USH2A: variants seen among roughly 807,000 people sequenced by gnomAD.
USH2A encodes the protein usherin.
USH2A carries 443 observed loss-of-function variants against 538.9 expected under a neutral mutation model. The ratio of observed to expected loss-of-function variants is 0.82; its 90% confidence interval spans 0.76 to 0.89. The LOEUF (loss-of-function observed/expected upper bound fraction) is 0.89. Among genes scored for constraint, USH2A ranks in the 40% least tolerant of loss-of-function variants. The pLI, the probability that USH2A is intolerant of heterozygous loss-of-function variation, is 0.00. For missense variants in USH2A, 6,633 were observed against 6,324.8 expected (o/e 1.05, Z -1.65); for synonymous variants, 2,413 against 2,273.5 (o/e 1.06, Z -1.75).
At chr1:216,146,590 G>C (rs909279279) in intron 21 of USH2A, among the ~76,000 whole-genome samples, 3 of 152,076 alleles carry the variant, frequency 2.0e-5, no homozygotes, top group African/African-American at 4.8e-5. Context: ...TTTCCTAGGG[G>C]GCAAGAAACC....
intron 61 of USH2A, among the ~76,000 whole-genome samples, chr1:215,702,824 G>A (rs1334950087): frequency 2.6e-5 from 4 of 151,678 alleles, no homozygotes; most frequent in African/African-American, 7.3e-5. Flanking sequence ...TCAGTTTGTC[G>A]AAGTCATTCT....
At chr1:215,859,456 C>T (rs1398586294) in intron 44 of USH2A, among the ~76,000 whole-genome samples, 2 of 151,952 alleles carry the variant, frequency 1.3e-5, no homozygotes, top group African/African-American at 4.8e-5. Flanking sequence ...ATTGCTTGAA[C>T]ACAGGAGGTG....
chr1:216,253,305 A>G (rs2036200195), intron 11 of USH2A, among the ~76,000 whole-genome samples: 1 of 151,934 alleles, frequency 6.6e-6, no homozygotes, highest in Admixed American at 6.6e-5. Context: ...CAGCCTCCCC[A>G]GTAGCTGGGC....
At position 215,625,478 on chromosome 1, in the gene USH2A, G is replaced by A. The variant is rs1655984592; in HGVS notation, c.*303C>T. ...TCTTGAAATTGCCACTGATTATTCA[G>A]TTAACCAGGAGCATCACTGCCAAAC... On this transcript the variant is annotated 3_prime_UTR_variant, in exon 72 of 72. Transcript: ENST00000307340. 4 of 411,142 alleles carry A rather than the reference G, an allele frequency of 9.7e-6. No individual in the cohort carries two copies. Among genetic ancestry groups the A allele is most frequent in the Non-Finnish European group, 1.8e-5 (4 of 221,564 alleles). The allele number at this position is 411,142 out of a possible 1,614,324, so 25.5% of individuals were successfully genotyped here.
At chr1:216,112,739 T>C (rs2032905551) in intron 21 of USH2A, among the ~76,000 whole-genome samples, 1 of 152,154 alleles carries the variant, frequency 6.6e-6, no homozygotes, top group Non-Finnish European at 1.5e-5. Flanking sequence ...ATTAGTTTGC[T>C]AACGGTAATG....
intron 13 of USH2A, among the ~76,000 whole-genome samples, chr1:216,242,918 C>T (rs937728417): frequency 7.3e-5 from 11 of 149,922 alleles, no homozygotes; most frequent in African/African-American, 2.0e-4. Context: ...CTGAAAGTAC[C>T]GTTTGCTACT....
intron 49 of USH2A, 27 bp from the exon 50 acceptor site, chr1:215,799,152 T>G (rs746660733): frequency 6.3e-7 from 1 of 1,594,166 alleles, no homozygotes; most frequent in African/African-American, 1.3e-5. Context: ...ATAATAATCA[T>G]TACATCAGTT....
intron 11 of USH2A, among the ~76,000 whole-genome samples, chr1:216,268,872 C>T (rs1396183821): frequency 6.6e-6 from 1 of 152,044 alleles, no homozygotes; most frequent in Non-Finnish European, 1.5e-5. Context: ...ACTGCAATTC[C>T]TTTCCTTAAT....
rs17025217 is a variant in USH2A, at chr1:215,718,492, G to A, written c.12066+9538C>T. On this transcript the variant is annotated intron_variant, in intron 61 of 71. Transcript: ENST00000307340. ...AAATAATTACTCTATCAATGTTAATGGTCTTTCAACTTCAATAAAGCACTC... is the reference window on the plus strand; with the variant it reads ...AAATAATTACTCTATCAATGTTAATAGTCTTTCAACTTCAATAAAGCACTC... 7.3e-3 allele frequency among the ~76,000 whole-genome samples: 1,104 copies of A among 152,234 alleles called. 15 individuals carry two copies. The highest frequency in any genetic ancestry group is 0.025 in the African/African-American group (1,044 of 41,522).
chr1:216,075,838 G>GATTGCAAC (rs1433950914), intron 27 of USH2A, among the ~76,000 whole-genome samples: 72 of 136,686 alleles, frequency 5.3e-4, no homozygotes, highest in African/African-American at 2.0e-3. Flanking sequence ...TTCGGAGGAA[G>GATTGCAAC]ATTGCAACGT....
At chr1:216,189,754 G>A (rs1194382989) in intron 20 of USH2A, among the ~76,000 whole-genome samples, 1 of 151,918 alleles carries the variant, frequency 6.6e-6, no homozygotes, top group Admixed American at 6.6e-5. Context: ...TCAGGAGTGA[G>A]TAGAGCCAAG....
chr1:216,418,591 T>C lies in USH2A; in HGVS notation c.574A>G (p.Asn192Asp). 1 of 1,613,376 alleles carries C rather than the reference T, an allele frequency of 6.2e-7. No individual in the cohort carries two copies. The highest frequency in any genetic ancestry group is 8.5e-7 in the Non-Finnish European group (1 of 1,179,578). ...KETMFYYRTV[N>D]GLQPPIKVMT... The stretch of plus-strand genomic sequence containing the variant: ...ACTTTTATTGGAGGTTGCAAACCAT[T>C]TACTGTGCGATAATAAAACATGGTC... The change falls in exon 3 of 72, where the codon AAT (asparagine) becomes GAT (aspartate). Residue 192 changes from asparagine to aspartate, a missense_variant. Transcript: ENST00000307340.
intron 46 of USH2A, among the ~76,000 whole-genome samples, chr1:215,842,254 T>G (rs1162916657): frequency 6.6e-6 from 1 of 152,132 alleles, no homozygotes; most frequent in African/African-American, 2.4e-5. Context: ...AAAACCACAG[T>G]GAGATACCAT....
rs935176131 is a variant in USH2A at position 215,650,754 on chromosome 1, C to T, written c.14181G>A (p.Trp4727Ter). ...SAGKAPSSWTWCRTGPAPPEG... is the reference protein window; with the variant it reads ...SAGKAPSSWT Reference sequence around the variant, plus strand: ...CTGGTGGGGCTGGCCCGGTTCTGCACCATGTCCAGCTACTGGGGGCTTTTC... The same window carrying T: ...CTGGTGGGGCTGGCCCGGTTCTGCATCATGTCCAGCTACTGGGGGCTTTTC... The change falls in exon 65 of 72, where the codon TGG becomes TGA. Residue 4727 changes from tryptophan to a stop codon, truncating the protein, a stop_gained. Transcript: ENST00000307340. LOFTEE classifies it high-confidence loss of function. The T allele has an allele frequency of 6.2e-7, 1 of 1,613,628 alleles. No homozygotes were observed. Among genetic ancestry groups the T allele is most frequent in the African/African-American group, 1.3e-5 (1 of 74,828 alleles).
chr1:215,996,560 GTTTTTTTTTT>G (rs753233925), intron 34 of USH2A, among the ~76,000 whole-genome samples: 6 of 51,694 alleles, frequency 1.2e-4, no homozygotes, highest in Middle Eastern at 0.029. Context: ...AACATATTAT[GTTTTTTTTTT>G]TTTTTTTTTT....
intron 4 of USH2A, among the ~76,000 whole-genome samples, chr1:216,346,314 C>T (rs2038174975): frequency 6.6e-6 from 1 of 151,990 alleles, no homozygotes; most frequent in African/African-American, 2.4e-5. Flanking sequence ...AAAGGAGCAC[C>T]ACAGACCCCA....
chr1:215,969,548 C>CT lies in USH2A; in HGVS notation c.6957+1076dup, dbSNP rs1203543611. 6.2e-3 allele frequency among the ~76,000 whole-genome samples: 881 copies of CT among 143,190 alleles called. 9 individuals are homozygous for CT. The highest frequency in any genetic ancestry group is 0.016 in the African/African-American group (645 of 39,322). The allele number at this position is 143,190 out of a possible 152,430, so 93.9% of individuals were successfully genotyped here. On this transcript the variant is annotated intron_variant, in intron 36 of 71. Transcript: ENST00000307340. Reference sequence around the variant, plus strand: ...GTGACGTGTTCTTTTGTTTCTTTTTCTTTTTTTTTTTTTGAATGGATAAGA... The same window carrying CT: ...GTGACGTGTTCTTTTGTTTCTTTTTCTTTTTTTTTTTTTTGAATGGATAAGA...
intron 3 of USH2A, among the ~76,000 whole-genome samples, chr1:216,387,864 A>G (rs2039032748): frequency 6.6e-6 from 1 of 151,848 alleles, no homozygotes; most frequent in Non-Finnish European, 1.5e-5. Context: ...CCATTATTAC[A>G]CTGTCTGAAT....
chr1:216,156,929 A>C (rs1224970578), intron 21 of USH2A, among the ~76,000 whole-genome samples: 3 of 150,684 alleles, frequency 2.0e-5, no homozygotes, highest in Non-Finnish European at 4.4e-5. Flanking sequence ...GCTGGAGTGC[A>C]GTGGTGCCAT....
Sources: gnomAD v4.1 joint callset for allele counts (sites outside exome capture counted in the v4.1 genomes callset) on GRCh38, gnomAD v4.1.1 for gene constraint, MANE v1.5 for transcripts, NCBI Gene and HGNC (gene_info 2026-07-23, HGNC 2026-07-21) for gene names.